The following SQOR variants were observed in gnomAD, a reference collection of about 807,000 sequenced individuals.
SQOR encodes the protein sulfide quinone oxidoreductase, also known as sulfide:quinone oxidoreductase, mitochondrial.
In SQOR, 39 loss-of-function variants were observed where a neutral mutation model predicts 48.6. The observed-to-expected ratio is 0.80, with a 90% CI of 0.62 to 1.05. The LOEUF is 1.05. SQOR is among the 50% of genes least tolerant of loss of function. The pLI is 0.00. For missense variants in SQOR, 561 were observed against 559.9 expected (o/e 1.00, Z -0.02); for synonymous variants, 220 against 206.2 (o/e 1.07, Z -0.57).
rs922737475 is a variant in SQOR at position 45,667,948 on chromosome 15, T to C, written c.406-1980T>C. On this transcript the variant is annotated intron_variant, in intron 3 of 9. Transcript: ENST00000260324. ...TTATTTCTTTCTTTCTTTCTTTTTT[T>C]TTTTTTTTTTTTTTGAGATAGAGTC... Among the ~76,000 whole-genome samples the C allele has an allele frequency of 1.1e-4, 16 of 144,344 alleles. No homozygotes were observed. The South Asian group carries it at 1.3e-3, about 12-fold the overall frequency. The allele number at this position is 144,344 out of a possible 152,430, so 94.7% of individuals were successfully genotyped here.
upstream of SQOR, chr15:45,635,004 C>T (rs1017537672): frequency 6.6e-6 from 1 of 152,172 alleles, no homozygotes; most frequent in African/African-American, 2.4e-5. Context: ...CAGCCTCCGC[C>T]CGGATGGCAG....
At chr15:45,662,878 G>A (rs543410448) in intron 3 of SQOR, among the ~76,000 whole-genome samples, 1 of 152,318 alleles carries the variant, frequency 6.6e-6, no homozygotes, top group East Asian at 1.9e-4. Context: ...GGACTCACAA[G>A]GTGTTATTGG....
intron 1 of SQOR, among the ~76,000 whole-genome samples, chr15:45,636,399 C>A (rs1337075865): frequency 6.9e-6 from 1 of 145,126 alleles, no homozygotes; most frequent in East Asian, 2.2e-4. Context: ...TCTGTAATTT[C>A]TTTCTTCTTT....
chr15:45,644,596 C>T (rs907305562), intron 1 of SQOR, among the ~76,000 whole-genome samples: 29 of 152,134 alleles, frequency 1.9e-4, no homozygotes, highest in Non-Finnish European at 4.4e-5. Context: ...AGCTCTTACT[C>T]ACAGTTCCCT....
chr15:45,659,779 C>T (rs1889687800), intron 2 of SQOR, among the ~76,000 whole-genome samples: 1 of 152,168 alleles, frequency 6.6e-6, no homozygotes, highest in Admixed American at 6.5e-5. Context: ...TTTGCAAAGA[C>T]CCTATTTCCA....
chr15:45,649,308 C>G (rs1000078805), intron 1 of SQOR, among the ~76,000 whole-genome samples: 21 of 152,176 alleles, frequency 1.4e-4, no homozygotes, highest in African/African-American at 3.6e-4. Context: ...TCCAGTTAGA[C>G]TGCAGTCATA....
intron 6 of SQOR, among the ~76,000 whole-genome samples, chr15:45,677,719 G>T (rs923505779): frequency 1.3e-5 from 2 of 152,036 alleles, no homozygotes; most frequent in Non-Finnish European, 2.9e-5. Context: ...ATTTATTTTT[G>T]AGACGAAGTC....
chr15:45,651,454 C>G (rs1409086901), intron 1 of SQOR, among the ~76,000 whole-genome samples: 1 of 152,232 alleles, frequency 6.6e-6, no homozygotes, highest in Non-Finnish European at 1.5e-5. Flanking sequence ...GGGGCCCCCA[C>G]AGCGCAGTGG....
At chr15:45,640,736 T>C (rs1895092095) in intron 1 of SQOR, among the ~76,000 whole-genome samples, 1 of 152,198 alleles carries the variant, frequency 6.6e-6, no homozygotes. Context: ...CTGAGGCTGA[T>C]GAGTAATTTT....
intron 4 of SQOR, among the ~76,000 whole-genome samples, chr15:45,672,872 C>A (rs1439780955): frequency 6.6e-6 from 1 of 152,172 alleles, no homozygotes; most frequent in Non-Finnish European, 1.5e-5. Flanking sequence ...AGATGGTGAA[C>A]GTTAGGATTC....
At chr15:45,668,617 T>G (rs1245889639) in intron 3 of SQOR, among the ~76,000 whole-genome samples, 1 of 152,184 alleles carries the variant, frequency 6.6e-6, no homozygotes, top group Non-Finnish European at 1.5e-5. Flanking sequence ...CAGGGCCTCT[T>G]GACTGCACGT....
In SQOR at chr15:45,682,518, A is replaced by T. The variant is rs903862426; in HGVS notation, c.905A>T (p.Asp302Val). 1 of 1,614,098 alleles carries T rather than the reference A, an allele frequency of 6.2e-7. No homozygotes were observed. The highest frequency in any genetic ancestry group is 8.5e-7 in the Non-Finnish European group (1 of 1,180,038). ...GTCACACCTCCAATGAGCCCACCAG[A>T]TGTCCTCAAGACCAGTCCTGTGGCT... ...LHVTPPMSPPDVLKTSPVADA... is the reference protein window; with the variant it reads ...LHVTPPMSPPVVLKTSPVADA... The change falls in exon 7 of 10, where the codon GAT becomes GTT. Residue 302 changes from aspartate to valine, a missense_variant. Transcript: ENST00000260324.
intron 6 of SQOR, among the ~76,000 whole-genome samples, chr15:45,676,529 G>A (rs936840111): frequency 9.9e-5 from 15 of 152,170 alleles, no homozygotes; most frequent in Non-Finnish European, 2.1e-4. Flanking sequence ...AGAAGGTGTC[G>A]TTAGCTGGTG....
At chr15:45,650,416 G>C (rs1023612723) in intron 1 of SQOR, among the ~76,000 whole-genome samples, 1 of 152,178 alleles carries the variant, frequency 6.6e-6, no homozygotes, top group Non-Finnish European at 1.5e-5. Flanking sequence ...TGGGTTCGTG[G>C]TCTCCCTGGC....
chr15:45,689,668 C>T (rs1369793061), intron 9 of SQOR, among the ~76,000 whole-genome samples: 2 of 152,114 alleles, frequency 1.3e-5, no homozygotes, highest in Non-Finnish European at 2.9e-5. Context: ...GATCCGCCCG[C>T]CTCGGCCTCC....
chr15:45,653,995 G>T (rs1201605531), intron 1 of SQOR, among the ~76,000 whole-genome samples: 1 of 151,940 alleles, frequency 6.6e-6, no homozygotes, highest in African/African-American at 2.4e-5. Flanking sequence ...GGTGGTTTGT[G>T]CCTGTAATCC....
At chr15:45,638,155 CA>C (rs1895039592) in intron 1 of SQOR, among the ~76,000 whole-genome samples, 1 of 152,104 alleles carries the variant, frequency 6.6e-6, no homozygotes, top group East Asian at 1.9e-4. Flanking sequence ...CAAAACAGAA[CA>C]AAAAAACCCT....
At position 45,673,673 on chromosome 15, in the gene SQOR, G is replaced by A; in HGVS notation, c.526G>A (p.Glu176Lys). ...GTCGAATTATTCAGTTAAGACTGTA[G>A]AGAAGACATGGAAAGCTCTGCAGGA... ...IGSNYSVKTV[E>K]KTWKALQDFK... The change falls in exon 5 of 10, where the codon GAG (glutamate) becomes AAG (lysine). Residue 176 changes from glutamate to lysine, a missense_variant. Physicochemically the swap from Glu to Lys is moderately conservative, Grantham distance 56 (BLOSUM62 1). Transcript: ENST00000260324. 6.2e-7 allele frequency: 1 copy of A among 1,614,212 alleles called. No individual in the cohort carries two copies. The highest frequency in any genetic ancestry group is 2.2e-5 in the East Asian group (1 of 44,886).
intron 9 of SQOR, among the ~76,000 whole-genome samples, chr15:45,690,085 T>C (rs1326332314): frequency 6.8e-6 from 1 of 146,286 alleles, no homozygotes; most frequent in African/African-American, 2.5e-5. Flanking sequence ...CTTCCTCCTT[T>C]TTTTTTTTTT....
Sources: gnomAD v4.1 joint callset for allele counts (sites outside exome capture counted in the v4.1 genomes callset) on GRCh38, gnomAD v4.1.1 for gene constraint, MANE v1.5 for transcripts, NCBI Gene and HGNC (gene_info 2026-07-23, HGNC 2026-07-21) for gene names.